GAN: variants seen among roughly 807,000 people sequenced by gnomAD.
GAN encodes the protein gigaxonin.
A neutral mutation model predicts 71.3 loss-of-function variants in GAN; 48 were observed. The observed-to-expected ratio is 0.67, with a 90% CI of 0.53 to 0.86. The LOEUF (loss-of-function observed/expected upper bound fraction) is 0.86, where lower values mean the gene tolerates loss of function less well. GAN is among the 40% of genes least tolerant of loss of function. The pLI is 0.00. For missense variants in GAN, 928 were observed against 770.1 expected (o/e 1.21, Z -2.43); for synonymous variants, 386 against 276.8 (o/e 1.39, Z -3.92).
At chr16:81,372,157 C>T (rs577967154) in intron 9 of GAN, 1 of 152,332 alleles carries the variant, frequency 6.6e-6, no homozygotes, top group African/African-American at 2.4e-5. Context: ...AAGCTTCAGA[C>T]TCAGGGCAGT....
intron 1 of GAN, among the ~76,000 whole-genome samples, chr16:81,346,472 C>G (rs1018557716): frequency 6.6e-6 from 1 of 152,184 alleles, no homozygotes; most frequent in African/African-American, 2.4e-5. Flanking sequence ...GCTCCGCCTC[C>G]TGTCAGATCA....
chr16:81,319,425 A>T (rs1263957529), intron 1 of GAN, among the ~76,000 whole-genome samples: 1 of 151,838 alleles, frequency 6.6e-6, no homozygotes, highest in African/African-American at 2.4e-5. Flanking sequence ...CATTGATCTG[A>T]TGCAAAGTTC....
chr16:81,352,587 G>T (rs150231348), intron 2 of GAN, among the ~76,000 whole-genome samples: 1 of 152,016 alleles, frequency 6.6e-6, no homozygotes, highest in Admixed American at 6.5e-5. Context: ...TTTCTGTAGG[G>T]GCTGTTTGTC....
intron 9 of GAN, among the ~76,000 whole-genome samples, chr16:81,370,834 T>C (rs1398628078): frequency 6.6e-6 from 1 of 152,236 alleles, no homozygotes; most frequent in Non-Finnish European, 1.5e-5. Flanking sequence ...TCCATCCTTT[T>C]ACTTACTTTG....
Position 81,315,008 on chromosome 16 carries a change from C to A in GAN, c.-106C>A. On this transcript the variant is annotated 5_prime_UTR_variant, in exon 1 of 11. Transcript: ENST00000648994. ...GGGGCTCCAGCTTCTGCTCAGAGCG[C>A]GGAGAGCCGGGCCGGGCGGGCGCGC... is the stretch of plus-strand genomic sequence containing the variant. The A allele has an allele frequency of 1.0e-6, 1 of 978,842 alleles. No individual in the cohort carries two copies. Among genetic ancestry groups the A allele is most frequent in the South Asian group, 2.4e-5 (1 of 42,138 alleles). 60.6% of individuals were successfully genotyped at this position (978,842 alleles called of 1,614,324 possible). A position where few individuals can be genotyped will look rare whatever the true frequency, so the allele number is the denominator to read the frequency against.
intron 7 of GAN, 86 bp from the exon 8 acceptor site, chr16:81,364,888 A>G: frequency 7.6e-7 from 1 of 1,318,600 alleles, no homozygotes; most frequent in Non-Finnish European, 1.1e-6. Flanking sequence ...AAATCTCTTT[A>G]AGTATGGCCC....
At chr16:81,325,935 C>G (rs1909370890) in intron 1 of GAN, among the ~76,000 whole-genome samples, 1 of 152,228 alleles carries the variant, frequency 6.6e-6, no homozygotes, top group South Asian at 2.1e-4. Context: ...TTTCTTGTCT[C>G]TCTGCCTTTC....
At position 81,339,348 on chromosome 16, in the gene GAN, T is replaced by C. The variant is rs373181913; in HGVS notation, c.168-12235T>C. 2.8e-3 allele frequency among the ~76,000 whole-genome samples: 421 copies of C among 152,358 alleles called. 1 individual carries two copies. The highest frequency in any genetic ancestry group is 9.8e-3 in the African/African-American group (407 of 41,588). On this transcript the variant is annotated intron_variant, in intron 1 of 10. Coordinates refer to ENST00000648994, the MANE Select transcript of GAN (RefSeq NM_022041.4). ...TTGTACAGATACAGTTATTAAACGT[T>C]CTTCCTTGTTTTTGATCTGGTTCAG... is the stretch of plus-strand genomic sequence containing the variant.
intron 1 of GAN, among the ~76,000 whole-genome samples, chr16:81,325,508 T>C (rs1909356113): frequency 6.6e-6 from 1 of 152,230 alleles, no homozygotes; most frequent in African/African-American, 2.4e-5. Context: ...ATTTTTACTT[T>C]ATCATCAGTT....
At position 81,353,396 on chromosome 16, in the gene GAN, A is replaced by G. The variant is rs866255434; in HGVS notation, c.283-1009A>G. On this transcript the variant is annotated intron_variant, in intron 2 of 10. Transcript: ENST00000648994. ...TTGAGTGTTTTTTTCACGTGCCTAT[A>G]TTTGAAGAGTCTACAGCTGCCTGCT... is the stretch of plus-strand genomic sequence containing the variant. Among the ~76,000 whole-genome samples, 13 of 151,682 alleles carry G rather than the reference A, an allele frequency of 8.6e-5. 1 individual carries two copies. Among genetic ancestry groups the G allele is most frequent in the Non-Finnish European group, 1.9e-4 (13 of 67,988 alleles).
In GAN at chr16:81,346,566, G is replaced by C. The variant is rs112194905; in HGVS notation, c.168-5017G>C. ...GATCTAGGTTGCATGTTCCTTGTGA[G>C]AATCTAATGCCTGATGATCTGAGGT... On this transcript the variant is annotated intron_variant, in intron 1 of 10. Transcript: ENST00000648994. 4.5e-3 allele frequency among the ~76,000 whole-genome samples: 679 copies of C among 152,314 alleles called. 4 individuals carry two copies. Among genetic ancestry groups the C allele is most frequent in the African/African-American group, 0.015 (639 of 41,560 alleles).
chr16:81,325,132 G>C (rs192246000), intron 1 of GAN, among the ~76,000 whole-genome samples: 1 of 152,352 alleles, frequency 6.6e-6, no homozygotes, highest in African/African-American at 2.4e-5. Flanking sequence ...CACACTTACA[G>C]TAGGCATTAA....
At position 81,365,595 on chromosome 16, in the gene GAN, A is replaced by T. The variant is rs1910828986; in HGVS notation, c.1502+117A>T. The T allele has an allele frequency of 5.1e-6, 5 of 981,712 alleles. No homozygotes were observed. The East Asian group carries it at 1.2e-4, about 24-fold the overall frequency. The allele number at this position is 981,712 out of a possible 1,614,324, so 60.8% of individuals were successfully genotyped here. A position where few individuals can be genotyped will look rare whatever the true frequency, so the allele number is the denominator to read the frequency against. On this transcript the variant is annotated intron_variant, in intron 9 of 10. Transcript: ENST00000648994. Reference sequence around the variant, plus strand: ...TTATTAAATTATGGATTTAGGAGATAACGTCTCATGCATACTAGATATTTA... The same window carrying T: ...TTATTAAATTATGGATTTAGGAGATTACGTCTCATGCATACTAGATATTTA...
At chr16:81,335,800 G>A (rs999568364) in intron 1 of GAN, among the ~76,000 whole-genome samples, 7 of 151,588 alleles carry the variant, frequency 4.6e-5, no homozygotes, top group Non-Finnish European at 1.0e-4. Flanking sequence ...TAAGATCTGT[G>A]TGAGGAAAAA....
At chr16:81,360,006 T>G (rs982549647) in intron 5 of GAN, among the ~76,000 whole-genome samples, 1 of 149,332 alleles carries the variant, frequency 6.7e-6, no homozygotes, top group African/African-American at 2.5e-5. Flanking sequence ...TGTCTTTTTT[T>G]GATATATGTT....
chr16:81,387,012 C>T lies in GAN; in HGVS notation c.*9416C>T, dbSNP rs376179005. The stretch of plus-strand genomic sequence containing the variant: ...AAGGACCGAGAAGTCGGCTGAATAG[C>T]CAGGTTCAGACAGTGTTGGCAAGAA... On this transcript the variant is annotated 3_prime_UTR_variant, in exon 11 of 11. Transcript: ENST00000648994. The T allele has an allele frequency of 2.0e-5, 3 of 152,174 alleles. No homozygotes were observed. Among genetic ancestry groups the T allele is most frequent in the African/African-American group, 7.2e-5 (3 of 41,422 alleles). The allele number at this position is 152,174 out of a possible 1,614,324, so 9.4% of individuals were successfully genotyped here.
At position 81,377,624 on chromosome 16, in the gene GAN, C is replaced by T. The variant is rs1400002944; in HGVS notation, c.*28C>T. 3.1e-6 allele frequency: 5 copies of T among 1,597,352 alleles called. No individual in the cohort carries two copies. The East Asian group carries it at 1.1e-4, about 36-fold the overall frequency. ...AGGAAGCAGAGCAGAGTGCGAGATC[C>T]TGACCCAAGAGCACCATAACATAGC... On this transcript the variant is annotated 3_prime_UTR_variant, in exon 11 of 11. Coordinates refer to ENST00000648994, the MANE Select transcript of GAN (RefSeq NM_022041.4).
At chr16:81,354,129 G>C (rs1910402837) in intron 2 of GAN, among the ~76,000 whole-genome samples, 1 of 152,054 alleles carries the variant, frequency 6.6e-6, no homozygotes, top group South Asian at 2.1e-4. Context: ...TGAACAACAT[G>C]GACAGTTCAC....
chr16:81,348,350 T>A (rs1447907514), intron 1 of GAN, among the ~76,000 whole-genome samples: 1 of 152,256 alleles, frequency 6.6e-6, no homozygotes, highest in African/African-American at 2.4e-5. Flanking sequence ...TGAATTTTTC[T>A]TTTTTCCTTG....
Sources: allele counts gnomAD v4.1 joint callset (sites outside exome capture counted in the v4.1 genomes callset), GRCh38; gene constraint gnomAD v4.1.1; transcripts MANE v1.5; gene names NCBI Gene and HGNC (gene_info 2026-07-23, HGNC 2026-07-21).